The following EPHA6 variants were observed in gnomAD, a reference collection of about 807,000 sequenced individuals.
EPHA6 encodes the protein ephrin type-A receptor 6.
EPHA6 carries 50 observed loss-of-function variants against 112.0 expected under a neutral mutation model. The ratio of observed to expected loss-of-function variants is 0.45; its 90% CI spans 0.36 to 0.56. The LOEUF (loss-of-function observed/expected upper bound fraction) is 0.56, where lower values mean the gene tolerates loss of function less well. EPHA6 is among the 20% of genes least tolerant of loss of function. The pLI, the probability that EPHA6 is intolerant of heterozygous loss-of-function variation, is 0.00. For synonymous variants in EPHA6, 529 were observed against 490.7 expected, an observed-to-expected ratio of 1.08 and a Z score of -1.03; for missense variants, 1,280 against 1,417.4, an observed-to-expected ratio of 0.90 and a Z score of 1.56.
intron 2 of EPHA6, among the ~76,000 whole-genome samples, chr3:96,899,819 CAT>C (rs2107568174): frequency 6.6e-6 from 1 of 152,150 alleles, no homozygotes; most frequent in South Asian, 2.1e-4. Context: ...AGAATAAAAA[CAT>C]AGGGATTTTG....
intron 6 of EPHA6, among the ~76,000 whole-genome samples, chr3:97,432,947 C>G (rs897996784): frequency 3.3e-5 from 5 of 152,050 alleles, no homozygotes; most frequent in Admixed American, 3.3e-4. Flanking sequence ...TTGGGTGGGA[C>G]CACAGAGCCA....
In EPHA6 at chr3:96,940,221, A is replaced by G. The variant is rs574315733; in HGVS notation, c.451-47109A>G. 9.2e-5 allele frequency among the ~76,000 whole-genome samples: 14 copies of G among 152,170 alleles called. No individual in the cohort carries two copies. In the South Asian group the frequency reaches 2.5e-3, roughly 27 times the overall value. ...TGTGGTGTTAAAGTCTTCCATTATT[A>G]TTGTGTGGGAGTCTAAGTATCTTTG... is the stretch of plus-strand genomic sequence containing the variant. On this transcript the variant is annotated intron_variant, in intron 2 of 17. Transcript: ENST00000389672.
chr3:97,179,520 T>C (rs1014803753), intron 3 of EPHA6, among the ~76,000 whole-genome samples: 1 of 152,084 alleles, frequency 6.6e-6, no homozygotes, highest in Non-Finnish European at 1.5e-5. Context: ...GGGAAGGCTT[T>C]CCAGATATTT....
chr3:97,740,542 C>T (rs1294890983), intron 16 of EPHA6, among the ~76,000 whole-genome samples: 1 of 152,106 alleles, frequency 6.6e-6, no homozygotes. Flanking sequence ...GCAACTGCAA[C>T]TACCAGCTTC....
rs1560166663 is a variant in EPHA6 at position 97,589,244 on chromosome 3, C to CTT, written c.2387-3368_2387-3367insTT. 3.3e-5 allele frequency among the ~76,000 whole-genome samples: 5 copies of CTT among 151,526 alleles called. No homozygotes were observed. In the East Asian group the frequency reaches 9.7e-4, roughly 29 times the overall value. On this transcript the variant is annotated intron_variant, in intron 11 of 17. Transcript: ENST00000389672. ...CCAAGACAATTCTTCTTCTAATGTG[C>CTT]CCCATAGTAGCCAAAAGATTGGACA...
rs2035958922 is a variant in EPHA6 at position 97,753,874 on chromosome 3, A to G, written c.*5173A>G. ...TAAAAAAAAAGTACTGATGAGATGT[A>G]GCAAAGATTTCTCAGGATAAAAATT... On this transcript the variant is annotated 3_prime_UTR_variant, in exon 18 of 18. Transcript: ENST00000389672. 6.6e-6 allele frequency among the ~76,000 whole-genome samples: 1 copy of G among 152,122 alleles called. No individual in the cohort carries two copies. The highest frequency in any genetic ancestry group is 6.5e-5 in the Admixed American group (1 of 15,276).
At chr3:97,478,277 G>T (rs560029984) in intron 8 of EPHA6, among the ~76,000 whole-genome samples, 1 of 152,040 alleles carries the variant, frequency 6.6e-6, no homozygotes, top group African/African-American at 2.4e-5. Flanking sequence ...ATGTGGCAAA[G>T]CATTTCATTA....
chr3:97,228,276 G>A (rs886527653), intron 4 of EPHA6, among the ~76,000 whole-genome samples: 2 of 152,060 alleles, frequency 1.3e-5, no homozygotes, highest in African/African-American at 4.8e-5. Context: ...CTCGAGCAGT[G>A]TACACTGTAC....
intron 5 of EPHA6, among the ~76,000 whole-genome samples, chr3:97,389,532 C>A (rs1341117216): frequency 2.0e-5 from 3 of 152,054 alleles, no homozygotes; most frequent in African/African-American, 7.2e-5. Context: ...TGTAAGAAAA[C>A]AAATATTTCT....
chr3:97,698,635 A>T (rs2033186975), intron 14 of EPHA6, among the ~76,000 whole-genome samples: 1 of 152,188 alleles, frequency 6.6e-6, no homozygotes, highest in Non-Finnish European at 1.5e-5. Context: ...CATTTTGACA[A>T]AAGGAGAGCA....
intron 3 of EPHA6, among the ~76,000 whole-genome samples, chr3:97,012,776 T>G (rs189738866): frequency 1.2e-4 from 18 of 151,850 alleles, no homozygotes; most frequent in Admixed American, 1.1e-3. Flanking sequence ...TTTTTGACTT[T>G]TTAATAATAG....
At chr3:97,543,917 C>G (rs1171711156) in intron 11 of EPHA6, among the ~76,000 whole-genome samples, 2 of 152,198 alleles carry the variant, frequency 1.3e-5, no homozygotes, top group Middle Eastern at 3.4e-3. Flanking sequence ...TATAAGAATG[C>G]TTGTGATTTT....
At chr3:97,212,977 A>T (rs1317636476) in intron 3 of EPHA6, among the ~76,000 whole-genome samples, 1 of 152,204 alleles carries the variant, frequency 6.6e-6, no homozygotes, top group Non-Finnish European at 1.5e-5. Flanking sequence ...CATAACCAGA[A>T]GTTTAAAAAC....
intron 2 of EPHA6, among the ~76,000 whole-genome samples, chr3:96,933,967 A>C (rs2040458355): frequency 6.6e-6 from 1 of 152,028 alleles, no homozygotes; most frequent in South Asian, 2.1e-4. Context: ...AATTGATGAA[A>C]AAGGCTCTGA....
At chr3:97,307,902 T>C (rs1253688279) in intron 5 of EPHA6, among the ~76,000 whole-genome samples, 1 of 151,800 alleles carries the variant, frequency 6.6e-6, no homozygotes, top group Non-Finnish European at 1.5e-5. Context: ...CACATGCTAA[T>C]CTATATTTAT....
rs763682996 is a variant in EPHA6, at chr3:96,994,759, A to AGAGAGAGAGAGAGAGAGCGAGC, written c.1114+6769_1114+6770insAGAGAGAGAGAGAGCGAGCGAG. On this transcript the variant is annotated intron_variant, in intron 3 of 17. Transcript: ENST00000389672. The stretch of plus-strand genomic sequence containing the variant: ...GAGAGAGAGAGAGAGAGAGAGAGAG[A>AGAGAGAGAGAGAGAGAGCGAGC]GAGCTATATATATACCTACAGGCTG... 2.5e-3 allele frequency among the ~76,000 whole-genome samples: 286 copies of AGAGAGAGAGAGAGAGAGCGAGC among 116,126 alleles called. 1 individual carries two copies. The highest frequency in any genetic ancestry group is 4.5e-3 in the Middle Eastern group (1 of 220). 76.2% of individuals were successfully genotyped at this position (116,126 alleles called of 152,430 possible).
At chr3:97,018,602 T>C (rs2044346178) in intron 3 of EPHA6, among the ~76,000 whole-genome samples, 1 of 152,138 alleles carries the variant, frequency 6.6e-6, no homozygotes, top group Non-Finnish European at 1.5e-5. Context: ...TTAGAGACTT[T>C]TAGTACTTTC....
intron 3 of EPHA6, among the ~76,000 whole-genome samples, chr3:97,106,302 C>T (rs1471043837): frequency 6.6e-6 from 1 of 152,028 alleles, no homozygotes; most frequent in Non-Finnish European, 1.5e-5. Flanking sequence ...AAGGCAAACT[C>T]AGACTGATTC....
chr3:97,603,942 G>T (rs1028449974), intron 12 of EPHA6, among the ~76,000 whole-genome samples: 2 of 151,622 alleles, frequency 1.3e-5, no homozygotes, highest in African/African-American at 2.4e-5. Flanking sequence ...CCACTTCTTA[G>T]CTTAGGATTC....
Sources: allele counts gnomAD v4.1 joint callset (sites outside exome capture counted in the v4.1 genomes callset), GRCh38; gene constraint gnomAD v4.1.1; transcripts MANE v1.5; gene names NCBI Gene and HGNC (gene_info 2026-07-23, HGNC 2026-07-21).